The following TBC1D22A variants were observed in gnomAD, a reference collection of about 807,000 sequenced individuals.
The protein encoded by TBC1D22A is putative GTPase activator.
TBC1D22A carries 38 observed loss-of-function variants against 60.2 expected under a neutral mutation model. That is an observed-to-expected ratio of 0.63 (90% CI 0.49 to 0.83). The LOEUF (loss-of-function observed/expected upper bound fraction) is 0.83, where lower values mean the gene tolerates loss of function less well. Among genes scored for constraint, TBC1D22A ranks in the 40% least tolerant of loss-of-function variants. TBC1D22A has a pLI of 0.00. For missense variants in TBC1D22A, 628 were observed against 701.0 expected (o/e 0.90, Z 1.18); for synonymous variants, 302 against 281.7 (o/e 1.07, Z -0.72).
In TBC1D22A at chr22:47,175,195, C is replaced by T. The variant is rs1025877399; in HGVS notation, c.*1569C>T. On this transcript the variant is annotated 3_prime_UTR_variant, in exon 13 of 13. Transcript: ENST00000337137. ...AAATTAGCACAAAATGCTGTGCAAA[C>T]GTCAGATGCTCCCAAACCAGCAAAG... is the stretch of plus-strand genomic sequence containing the variant. The T allele has an allele frequency of 3.3e-5, 5 of 152,302 alleles. No homozygotes were observed. Among genetic ancestry groups the T allele is most frequent in the African/African-American group, 4.8e-5 (2 of 41,456 alleles). 9.4% of individuals were successfully genotyped at this position (152,302 alleles called of 1,614,324 possible). A position where few individuals can be genotyped will look rare whatever the true frequency, so the allele number is the denominator to read the frequency against.
chr22:47,018,257 G>A (rs1212338948), intron 10 of TBC1D22A, among the ~76,000 whole-genome samples: 2 of 152,238 alleles, frequency 1.3e-5, no homozygotes, highest in Non-Finnish European at 2.9e-5. Context: ...CGTCTGCAGC[G>A]GAGTTTCTGC....
intron 12 of TBC1D22A, among the ~76,000 whole-genome samples, chr22:47,137,572 C>T (rs979292039): frequency 6.6e-6 from 1 of 152,204 alleles, no homozygotes; most frequent in Non-Finnish European, 1.5e-5. Context: ...CATTCTGTGC[C>T]CCTTGGAGCC....
intron 11 of TBC1D22A, among the ~76,000 whole-genome samples, chr22:47,109,861 C>A (rs2065783454): frequency 6.6e-6 from 1 of 152,082 alleles, no homozygotes; most frequent in African/African-American, 2.4e-5. Flanking sequence ...TGGCCCAAGT[C>A]ACTAGCCCCT....
chr22:46,774,081 C>T (rs1349932451), intron 1 of TBC1D22A: 27 of 985,518 alleles, frequency 2.7e-5, no homozygotes, highest in Non-Finnish European at 3.3e-5. Context: ...GTTCCTCCCG[C>T]CCCCGCACCC....
At position 46,868,113 on chromosome 22, in the gene TBC1D22A, C is replaced by T. The variant is rs567211360; in HGVS notation, c.638-10540C>T. Among the ~76,000 whole-genome samples the T allele has an allele frequency of 1.2e-4, 19 of 152,254 alleles. No individual in the cohort carries two copies. In the South Asian group the frequency reaches 1.5e-3, roughly 12 times the overall value. On this transcript the variant is annotated intron_variant, in intron 4 of 12. Coordinates refer to ENST00000337137, the MANE Select transcript of TBC1D22A (RefSeq NM_014346.5). Reference sequence around the variant, plus strand: ...TGCGGTGCCGCTTAGCTACTCTGAACGCAGTTTTTTCACTGTATTAATGGT... The same window carrying T: ...TGCGGTGCCGCTTAGCTACTCTGAATGCAGTTTTTTCACTGTATTAATGGT...
rs111414864 is a variant in TBC1D22A, at chr22:47,144,148, C to T, written c.1426-29350C>T. 5.5e-4 allele frequency among the ~76,000 whole-genome samples: 84 copies of T among 152,240 alleles called. 1 individual carries two copies. Among genetic ancestry groups the T allele is most frequent in the African/African-American group, 2.0e-3 (82 of 41,556 alleles). On this transcript the variant is annotated intron_variant, in intron 12 of 12. Transcript: ENST00000337137. ...CCAGGGAAAGGGTGTCCCAAAATAT[C>T]ACTGTCTCTCTAGAGAAAGGAACCC... is the stretch of plus-strand genomic sequence containing the variant.
chr22:46,833,892 G>T (rs1421574689), intron 4 of TBC1D22A, among the ~76,000 whole-genome samples: 1 of 152,220 alleles, frequency 6.6e-6, no homozygotes, highest in Non-Finnish European at 1.5e-5. Context: ...AGGCCAGGGT[G>T]CAAGGACTTG....
intron 8 of TBC1D22A, among the ~76,000 whole-genome samples, chr22:46,951,419 G>A (rs965951226): frequency 6.6e-6 from 1 of 152,172 alleles, no homozygotes; most frequent in Non-Finnish European, 1.5e-5. Flanking sequence ...CGATTCATGT[G>A]TTATGCATTT....
intron 7 of TBC1D22A, among the ~76,000 whole-genome samples, chr22:46,897,615 GT>G (rs370313813): frequency 3.2e-5 from 4 of 123,596 alleles, no homozygotes; most frequent in African/African-American, 6.8e-5. Flanking sequence ...ATGGAAAGTT[GT>G]TTTTTTTTGT....
chr22:47,094,614 C>T (rs1001398767), intron 11 of TBC1D22A, among the ~76,000 whole-genome samples: 3 of 152,166 alleles, frequency 2.0e-5, no homozygotes, highest in Non-Finnish European at 4.4e-5. Flanking sequence ...TACGTCCTGT[C>T]GGTTCTGTTT....
chr22:47,030,585 G>C (rs938894317), intron 10 of TBC1D22A, among the ~76,000 whole-genome samples: 2 of 152,262 alleles, frequency 1.3e-5, no homozygotes, highest in Admixed American at 1.3e-4. Flanking sequence ...ACGTTGCCTT[G>C]CCCTGCCACA....
intron 12 of TBC1D22A, among the ~76,000 whole-genome samples, chr22:47,157,594 G>A (rs528843371): frequency 2.0e-5 from 3 of 152,202 alleles, no homozygotes; most frequent in Non-Finnish European, 2.9e-5. Flanking sequence ...CCACACGTGC[G>A]TCCCATGGCT....
chr22:47,132,927 G>GGA (rs1486698199), intron 12 of TBC1D22A, among the ~76,000 whole-genome samples: 1 of 152,254 alleles, frequency 6.6e-6, no homozygotes, highest in African/African-American at 2.4e-5. Flanking sequence ...GGGTGGACAT[G>GGA]GAGTTCATTT....
chr22:47,090,537 A>G (rs1357438709), intron 11 of TBC1D22A, among the ~76,000 whole-genome samples: 2 of 152,180 alleles, frequency 1.3e-5, no homozygotes, highest in African/African-American at 4.8e-5. Context: ...TGTCCCCTCC[A>G]GGTGGATGCT....
intron 11 of TBC1D22A, among the ~76,000 whole-genome samples, 160 bp downstream of exon 11, chr22:47,037,358 G>A (rs12484577): frequency 4.1e-4 from 63 of 152,160 alleles, no homozygotes; most frequent in Admixed American, 5.9e-4. Context: ...GGCCGGGCGC[G>A]GTGGCTCATG....
rs1469198259 is a variant in TBC1D22A at position 46,891,725 on chromosome 22, G to A, written c.837+331G>A. ...TTTGTATCACAGTGAGCTGCTGTCT[G>A]GTAATAAAAGGCCATTCCTAAAGGC... On this transcript the variant is annotated intron_variant, in intron 6 of 12. Transcript: ENST00000337137. Among the ~76,000 whole-genome samples the A allele has an allele frequency of 2.6e-5, 4 of 152,154 alleles. No individual in the cohort carries two copies. The East Asian group carries it at 7.7e-4, about 29-fold the overall frequency.
intron 10 of TBC1D22A, among the ~76,000 whole-genome samples, chr22:47,007,794 C>CA (rs956914844): frequency 6.6e-6 from 1 of 152,166 alleles, no homozygotes; most frequent in African/African-American, 2.4e-5. Flanking sequence ...GTCCCACCCT[C>CA]ACAATCGCAT....
chr22:47,106,841 A>G (rs1005726471), intron 11 of TBC1D22A, among the ~76,000 whole-genome samples: 1 of 152,186 alleles, frequency 6.6e-6, no homozygotes, highest in East Asian at 1.9e-4. Context: ...CAACATGTTG[A>G]AACCTCGTCT....
At chr22:47,065,487 A>G (rs1026357545) in intron 11 of TBC1D22A, among the ~76,000 whole-genome samples, 1 of 152,116 alleles carries the variant, frequency 6.6e-6, no homozygotes, top group Non-Finnish European at 1.5e-5. Flanking sequence ...CTGTGGCTGG[A>G]CACTCCTGGA....
Sources: allele counts gnomAD v4.1 joint callset (sites outside exome capture counted in the v4.1 genomes callset), GRCh38; gene constraint gnomAD v4.1.1; transcripts MANE v1.5; gene names NCBI Gene and HGNC (gene_info 2026-07-23, HGNC 2026-07-21).